Variants in PPARGC1A observed in about 807,000 individuals in gnomAD.
PPARGC1A encodes peroxisome proliferator-activated receptor gamma coactivator 1-alpha.
Under a neutral mutation model 88.7 loss-of-function variants are expected in PPARGC1A, and 25 were observed. The ratio of observed to expected loss-of-function variants is 0.28; its 90% confidence interval spans 0.21 to 0.39. The LOEUF (loss-of-function observed/expected upper bound fraction) is 0.39, where lower values mean the gene tolerates loss of function less well. Ranked by LOEUF, PPARGC1A falls within the 10% of genes least tolerant of loss-of-function variation. The probability of loss-of-function intolerance (pLI) is 1.00; values close to 1 mark genes in which losing one functional copy is unlikely to be tolerated. For synonymous variants in PPARGC1A, 363 were observed against 355.6 expected (o/e 1.02, Z -0.24); for missense variants, 880 against 968.7 (o/e 0.91, Z 1.22).
the PPARGC1A span, among the ~76,000 whole-genome samples, chr4:24,119,521 C>T: frequency 7.2e-5 from 11 of 152,044 alleles, no homozygotes; most frequent in African/African-American, 1.9e-4. Context: ...CAGAGATGGT[C>T]GCTTCCTCAT....
At position 23,812,886 on chromosome 4, in the gene PPARGC1A, T is replaced by C; in HGVS notation, c.1899-19A>G. On this transcript the variant is annotated intron_variant, in intron 9 of 12. Coordinates refer to ENST00000264867, the MANE Select transcript of PPARGC1A (RefSeq NM_013261.5). ...GTCATACCTGGGAAACATAACTTTA[T>C]CACTAAGTCAACCACCTCAATTTTC... 6.2e-7 allele frequency: 1 copy of C among 1,613,950 alleles called. No individual in the cohort carries two copies. The highest frequency in any genetic ancestry group is 1.7e-4 in the Middle Eastern group (1 of 6,058).
chr4:24,199,164 C>G, the PPARGC1A span, among the ~76,000 whole-genome samples: 1 of 152,168 alleles, frequency 6.6e-6, no homozygotes, highest in Non-Finnish European at 1.5e-5. Context: ...AGAAAGTTAA[C>G]AGACTGGTTC....
the PPARGC1A span, among the ~76,000 whole-genome samples, chr4:24,233,476 G>A: frequency 6.6e-6 from 1 of 151,842 alleles, no homozygotes; most frequent in Non-Finnish European, 1.5e-5. Context: ...CAAATAAGTG[G>A]CAGAGAAAAA....
intron 1 of PPARGC1A, among the ~76,000 whole-genome samples, chr4:23,898,622 A>G (rs1718892386): frequency 6.6e-6 from 1 of 152,216 alleles, no homozygotes; most frequent in South Asian, 2.1e-4. Flanking sequence ...AGAAGAAGCA[A>G]TAAGAAAACT....
At chr4:23,895,235 G>C (rs925000483) in intron 1 of PPARGC1A, among the ~76,000 whole-genome samples, 1 of 148,406 alleles carries the variant, frequency 6.7e-6, no homozygotes, top group African/African-American at 2.5e-5. Flanking sequence ...AATTAGCTTA[G>C]CTTTTCTCGA....
At chr4:24,393,362 G>T in the PPARGC1A span, among the ~76,000 whole-genome samples, 1 of 148,342 alleles carries the variant, frequency 6.7e-6, no homozygotes, top group South Asian at 2.1e-4. Flanking sequence ...CACGGAGATA[G>T]ATTGAGAAAC....
intron 2 of PPARGC1A, among the ~76,000 whole-genome samples, chr4:23,876,433 G>T (rs1052454732): frequency 6.6e-6 from 1 of 152,198 alleles, no homozygotes; most frequent in African/African-American, 2.4e-5. Flanking sequence ...TATTCACTAA[G>T]CACCAGCATT....
the PPARGC1A span, among the ~76,000 whole-genome samples, chr4:24,134,248 G>T: frequency 6.6e-6 from 1 of 152,204 alleles, no homozygotes; most frequent in Non-Finnish European, 1.5e-5. Flanking sequence ...TACAAATTTT[G>T]ATTGATCCCA....
the PPARGC1A span, among the ~76,000 whole-genome samples, chr4:24,461,375 GTTC>G: frequency 3.3e-5 from 5 of 152,146 alleles, no homozygotes; most frequent in Admixed American, 3.3e-4. Flanking sequence ...CCTTTCACCT[GTTC>G]TTCTTTCTAG....
chr4:24,176,214 G>A, the PPARGC1A span, among the ~76,000 whole-genome samples: 1 of 152,192 alleles, frequency 6.6e-6, no homozygotes, highest in South Asian at 2.1e-4. Flanking sequence ...CTAACATTCT[G>A]TAACTCAGTT....
the PPARGC1A span, among the ~76,000 whole-genome samples, chr4:24,270,223 C>T: frequency 6.6e-6 from 1 of 152,096 alleles, no homozygotes; most frequent in Non-Finnish European, 1.5e-5. Context: ...ACTGCATCTC[C>T]TGGCTCTCAG....
the PPARGC1A span, among the ~76,000 whole-genome samples, chr4:24,062,620 T>G: frequency 6.6e-6 from 1 of 152,202 alleles, no homozygotes; most frequent in East Asian, 1.9e-4. Flanking sequence ...TATGTGACTC[T>G]GTATCCCTGG....
chr4:24,275,291 C>T, the PPARGC1A span, among the ~76,000 whole-genome samples: 1 of 152,226 alleles, frequency 6.6e-6, no homozygotes, highest in Non-Finnish European at 1.5e-5. Context: ...CTTACATCAA[C>T]TTCCATCTAC....
At chr4:24,201,223 A>T in the PPARGC1A span, among the ~76,000 whole-genome samples, 1 of 152,236 alleles carries the variant, frequency 6.6e-6, no homozygotes, top group Non-Finnish European at 1.5e-5. Context: ...CCATAAATAC[A>T]ATATCAGCTC....
chr4:23,897,863 A>G (rs1718795961), intron 1 of PPARGC1A, among the ~76,000 whole-genome samples: 1 of 152,208 alleles, frequency 6.6e-6, no homozygotes, highest in African/African-American at 2.4e-5. Context: ...CATCTTGTTT[A>G]TCATTAATTC....
chr4:24,000,352 T>C, the PPARGC1A span, among the ~76,000 whole-genome samples: 1 of 152,186 alleles, frequency 6.6e-6, no homozygotes, highest in African/African-American at 2.4e-5. Flanking sequence ...CAATTTCATT[T>C]GCCTCGGCAC....
chr4:24,143,533 AG>A, the PPARGC1A span, among the ~76,000 whole-genome samples: 23 of 152,368 alleles, frequency 1.5e-4, no homozygotes, highest in Non-Finnish European at 2.6e-4. Flanking sequence ...GAATTGGAAA[AG>A]TATACGACGA....
the PPARGC1A span, among the ~76,000 whole-genome samples, chr4:23,961,584 C>T: frequency 6.6e-5 from 10 of 152,294 alleles, no homozygotes; most frequent in East Asian, 1.9e-3. Flanking sequence ...GACTCGCTAT[C>T]TCCCACACTG....
chr4:23,871,676 T>C (rs1560484877), intron 2 of PPARGC1A, among the ~76,000 whole-genome samples: 2 of 152,144 alleles, frequency 1.3e-5, no homozygotes, highest in African/African-American at 4.8e-5. Context: ...AGGAGAACTA[T>C]GTCTGGAATA....
Sources: gnomAD v4.1 joint callset for allele counts (sites outside exome capture counted in the v4.1 genomes callset) on GRCh38, gnomAD v4.1.1 for gene constraint, MANE v1.5 for transcripts, NCBI Gene and HGNC (gene_info 2026-07-23, HGNC 2026-07-21) for gene names.